The following TBC1D22A variants were observed in gnomAD, a reference collection of about 807,000 sequenced individuals.
TBC1D22A encodes putative GTPase activator.
A neutral mutation model predicts 60.2 loss-of-function variants in TBC1D22A; 38 were observed. The observed-to-expected ratio is 0.63, with a 90% CI of 0.49 to 0.83. The LOEUF (loss-of-function observed/expected upper bound fraction) is 0.83, where lower values mean the gene tolerates loss of function less well. Among genes scored for constraint, TBC1D22A ranks in the 40% least tolerant of loss-of-function variants. The pLI is 0.00. For missense variants in TBC1D22A, 628 were observed against 701.0 expected, an observed-to-expected ratio of 0.90 and a Z score of 1.18; for synonymous variants, 302 against 281.7, an observed-to-expected ratio of 1.07 and a Z score of -0.72.
intron 10 of TBC1D22A, among the ~76,000 whole-genome samples, chr22:47,021,572 C>T (rs573132801): frequency 7.0e-6 from 1 of 142,570 alleles, no homozygotes; most frequent in Non-Finnish European, 1.5e-5. Flanking sequence ...CAGGCAGAAC[C>T]TCACCTCGAG....
intron 1 of TBC1D22A, among the ~76,000 whole-genome samples, chr22:46,783,547 C>G (rs535552537): frequency 6.6e-6 from 1 of 152,260 alleles, no homozygotes; most frequent in African/African-American, 2.4e-5. Context: ...GCTCCCTCCA[C>G]CCATTCTGAG....
rs1320276367 is a variant in TBC1D22A at position 46,912,085 on chromosome 22, G to A, written c.912G>A (p.Arg304=). 1 of 1,612,346 alleles carries A rather than the reference G, an allele frequency of 6.2e-7. No individual in the cohort carries two copies. Among genetic ancestry groups the A allele is most frequent in the African/African-American group, 1.3e-5 (1 of 74,832 alleles). Residue 304 remains arginine (R), a synonymous_variant, in exon 8 of 13, where the codon AGG becomes AGA. Coordinates refer to ENST00000337137, the MANE Select transcript of TBC1D22A (RefSeq NM_014346.5). ...LQPKVTEIFE[R]ILFIWAIRHP... ...CCATTTTCTTTCAGATTTTTGAAAG[G>A]ATCTTGTTCATATGGGCGATCCGCC...
intron 11 of TBC1D22A, among the ~76,000 whole-genome samples, chr22:47,044,727 A>G (rs1037362671): frequency 6.6e-6 from 1 of 152,214 alleles, no homozygotes; most frequent in Non-Finnish European, 1.5e-5. Context: ...CACTGCTGCT[A>G]CTTTGCAGGG....
intron 9 of TBC1D22A, among the ~76,000 whole-genome samples, chr22:46,974,623 CCAGTGGG>C (rs1222381306): frequency 3.9e-5 from 6 of 152,204 alleles, no homozygotes. Context: ...TGCTGAGGGC[CCAGTGGG>C]AAGGCGAGGT....
chr22:47,157,195 C>T (rs1556336269), intron 12 of TBC1D22A, among the ~76,000 whole-genome samples: 1 of 152,186 alleles, frequency 6.6e-6, no homozygotes, highest in Non-Finnish European at 1.5e-5. Flanking sequence ...TCTGGGAGAG[C>T]AGCATGCAGA....
In TBC1D22A at chr22:46,772,745, C is replaced by G. The variant is rs574439590; in HGVS notation, c.62+9897C>G. Among the ~76,000 whole-genome samples the G allele has an allele frequency of 1.7e-4, 25 of 147,094 alleles. 2 individuals are homozygous for G. The highest frequency in any genetic ancestry group is 3.1e-4 in the Non-Finnish European group (21 of 67,244). On this transcript the variant is annotated intron_variant, in intron 1 of 12. Transcript: ENST00000337137. ...CACTGCAACCTCTGTCTCCTGGGTT[C>G]AAGCTATTCTCCTGCTTCAGCCTCC...
At chr22:47,006,567 G>A (rs372590590) in intron 10 of TBC1D22A, among the ~76,000 whole-genome samples, 21 of 152,212 alleles carry the variant, frequency 1.4e-4, no homozygotes, top group Non-Finnish European at 2.6e-4. Flanking sequence ...CACCCAGGCC[G>A]GATGGCGGCC....
intron 11 of TBC1D22A, among the ~76,000 whole-genome samples, chr22:47,045,902 C>T (rs530649514): frequency 6.6e-6 from 1 of 152,294 alleles, no homozygotes; most frequent in East Asian, 1.9e-4. Flanking sequence ...GTCCTCCCCA[C>T]ACCTGGCACT....
chr22:46,886,613 G>T (rs2068133249), intron 5 of TBC1D22A, among the ~76,000 whole-genome samples: 1 of 152,224 alleles, frequency 6.6e-6, no homozygotes, highest in Non-Finnish European at 1.5e-5. Flanking sequence ...GACATTGTTA[G>T]CTGATGTGTG....
chr22:47,158,322 A>T (rs2067805224), intron 12 of TBC1D22A, among the ~76,000 whole-genome samples: 1 of 152,226 alleles, frequency 6.6e-6, no homozygotes, highest in African/African-American at 2.4e-5. Flanking sequence ...AGTCCCAGGT[A>T]GAGGAGTTTG....
intron 4 of TBC1D22A, among the ~76,000 whole-genome samples, chr22:46,817,833 A>C (rs1159046048): frequency 1.3e-5 from 2 of 152,186 alleles, no homozygotes; most frequent in Non-Finnish European, 2.9e-5. Flanking sequence ...AAATCGCCAT[A>C]CCGTCTTCCA....
chr22:46,802,530 G>C (rs2146966771), intron 4 of TBC1D22A, among the ~76,000 whole-genome samples: 1 of 152,348 alleles, frequency 6.6e-6, no homozygotes, highest in East Asian at 1.9e-4. Flanking sequence ...TGGCTGAGTG[G>C]GGTGTGGGGA....
At chr22:46,849,007 C>T (rs2087149715) in intron 4 of TBC1D22A, among the ~76,000 whole-genome samples, 1 of 152,044 alleles carries the variant, frequency 6.6e-6, no homozygotes, top group South Asian at 2.1e-4. Context: ...TTTTGTGATA[C>T]ATGGTTCACA....
At chr22:47,140,804 TG>T (rs908315065) in intron 12 of TBC1D22A, among the ~76,000 whole-genome samples, 1 of 152,184 alleles carries the variant, frequency 6.6e-6, no homozygotes, top group African/African-American at 2.4e-5. Context: ...TTCCCCATGC[TG>T]GGGCGGCTTA....
intron 3 of TBC1D22A, among the ~76,000 whole-genome samples, chr22:46,794,652 T>A (rs927362998): frequency 3.3e-5 from 5 of 152,156 alleles, no homozygotes; most frequent in Admixed American, 6.5e-5. Context: ...CTGCCCACAG[T>A]CAGCAAGGGG....
intron 4 of TBC1D22A, among the ~76,000 whole-genome samples, chr22:46,840,815 T>G (rs115766284): frequency 3.3e-5 from 5 of 151,812 alleles, no homozygotes; most frequent in Admixed American, 6.6e-5. Context: ...TTGGTGGGAA[T>G]GTAAATTGAT....
intron 12 of TBC1D22A, among the ~76,000 whole-genome samples, chr22:47,164,577 G>A (rs2068124438): frequency 6.6e-6 from 1 of 152,222 alleles, no homozygotes; most frequent in Non-Finnish European, 1.5e-5. Context: ...GCCACAGAGG[G>A]TTCCTGGGCC....
At chr22:46,801,422 C>G (rs73182618) in intron 4 of TBC1D22A, among the ~76,000 whole-genome samples, 1 of 152,222 alleles carries the variant, frequency 6.6e-6, no homozygotes, top group Non-Finnish European at 1.5e-5. Context: ...TTCTGTCCAG[C>G]GGAGTGCTGT....
intron 8 of TBC1D22A, among the ~76,000 whole-genome samples, chr22:46,937,357 GT>G (rs1222630526): frequency 6.6e-6 from 1 of 152,158 alleles, no homozygotes; most frequent in Non-Finnish European, 1.5e-5. Context: ...ACAGAACTGT[GT>G]GCGAGCTGGA....
Sources: allele counts gnomAD v4.1 joint callset (sites outside exome capture counted in the v4.1 genomes callset), GRCh38; gene constraint gnomAD v4.1.1; transcripts MANE v1.5; gene names NCBI Gene and HGNC (gene_info 2026-07-23, HGNC 2026-07-21).